The following ADCK1 variants were observed in gnomAD, a reference collection of about 807,000 sequenced individuals.
ADCK1 encodes the protein aarF domain containing kinase 1, also known as aarF domain-containing protein kinase 1.
A neutral mutation model predicts 52.3 loss-of-function variants in ADCK1; 41 were observed. That is an observed-to-expected ratio of 0.78 (90% CI 0.61 to 1.02). ADCK1 has a LOEUF of 1.02. Among genes scored for constraint, ADCK1 ranks in the 50% least tolerant of loss-of-function variants. The pLI is 0.00. For synonymous variants in ADCK1, 250 were observed against 274.6 expected (o/e 0.91, Z 0.89); for missense variants, 658 against 679.5 (o/e 0.97, Z 0.35).
At chr14:77,869,498 C>T (rs915296357) in intron 4 of ADCK1, among the ~76,000 whole-genome samples, 13 of 152,132 alleles carry the variant, frequency 8.5e-5, no homozygotes, top group Admixed American at 7.9e-4. Flanking sequence ...AGTATGACCT[C>T]ATCTTAACTA....
intron 3 of ADCK1, chr14:77,827,763 C>G (rs2081746510): frequency 8.1e-6 from 3 of 371,832 alleles, no homozygotes; most frequent in Non-Finnish European, 1.5e-5. Flanking sequence ...GACCTGGAGC[C>G]AGGTCCCCTG....
intron 3 of ADCK1, among the ~76,000 whole-genome samples, chr14:77,857,852 G>A (rs2082454141): frequency 6.6e-6 from 1 of 152,156 alleles, no homozygotes; most frequent in Admixed American, 6.5e-5. Flanking sequence ...ATGGGAGGAG[G>A]CAGGTACCAG....
Position 77,859,135 on chromosome 14 carries a change from C to T in ADCK1, c.279C>T (p.Phe93=). 6.2e-7 allele frequency: 1 copy of T among 1,613,554 alleles called. No individual in the cohort carries two copies. Among genetic ancestry groups the T allele is most frequent in the African/African-American group, 1.3e-5 (1 of 75,028 alleles). ...TCTGCTGTGCCAACCGGGGCACCTT[C>T]ATCAAGGTGGGCCAGCACCTGGGGG... The part of the protein sequence containing the change: ...CELCCANRGT[F]IKVGQHLGAL... The change falls in exon 4 of 11, where the codon TTC becomes TTT. Residue 93 remains phenylalanine, a synonymous_variant. Coordinates refer to ENST00000238561, the MANE Select transcript of ADCK1 (RefSeq NM_020421.4).
chr14:77,883,089 T>C lies in ADCK1; in HGVS notation c.424-4002T>C, dbSNP rs2083068002. ...AACTCTTTTTCTGATTATTTTTCCT[T>C]TTCCAGACAGGGACATCGATATATT... On this transcript the variant is annotated intron_variant, in intron 4 of 10. Transcript: ENST00000238561. Among the ~76,000 whole-genome samples, 4 of 152,166 alleles carry C rather than the reference T, an allele frequency of 2.6e-5. No homozygotes were observed. The South Asian group carries it at 8.3e-4, about 32-fold the overall frequency.
At chr14:77,932,611 C>G (rs1229753980) in intron 10 of ADCK1, among the ~76,000 whole-genome samples, 1 of 152,150 alleles carries the variant, frequency 6.6e-6, no homozygotes, top group Admixed American at 6.5e-5. Context: ...ACGTATATCA[C>G]GTACCCACTA....
At chr14:77,812,651 G>A (rs1436473488) in intron 1 of ADCK1, among the ~76,000 whole-genome samples, 8 of 151,952 alleles carry the variant, frequency 5.3e-5, no homozygotes, top group Non-Finnish European at 2.9e-5. Context: ...GTGCAGTAGC[G>A]TGATCTTAGC....
chr14:77,924,165 T>G (rs1595096230), intron 7 of ADCK1: 4 of 294,624 alleles, frequency 1.4e-5, no homozygotes, highest in South Asian at 6.0e-5. Context: ...GTGTGGGAGG[T>G]GGAGAGTGCA....
At chr14:77,826,105 C>T (rs1054217646) in intron 3 of ADCK1, among the ~76,000 whole-genome samples, 4 of 152,196 alleles carry the variant, frequency 2.6e-5, no homozygotes, top group Non-Finnish European at 5.9e-5. Context: ...AAGGAAAGTG[C>T]AGCCTGGCAT....
At position 77,933,356 on chromosome 14, in the gene ADCK1, G is replaced by T. The variant is rs138549494; in HGVS notation, c.1537G>T (p.Ala513Ser). 3 of 1,613,948 alleles carry T rather than the reference G, an allele frequency of 1.9e-6. No homozygotes were observed. The African/African-American group carries it at 4.0e-5, about 22-fold the overall frequency. Residue 513 changes from alanine to serine, a missense_variant, in exon 11 of 11, where the codon GCC becomes TCC. Transcript: ENST00000238561. Reference protein sequence around the residue: ...KGLKLADRVLALICWLFPAPL With the variant: ...KGLKLADRVLSLICWLFPAPL Reference sequence around the variant, plus strand: ...GTTGAAGCTGGCTGACCGGGTCTTGGCCCTAATATGCTGGCTGTTCCCTGC... The same window carrying T: ...GTTGAAGCTGGCTGACCGGGTCTTGTCCCTAATATGCTGGCTGTTCCCTGC...
intron 1 of ADCK1, among the ~76,000 whole-genome samples, chr14:77,803,600 C>G (rs2081158890): frequency 6.6e-6 from 1 of 152,158 alleles, no homozygotes; most frequent in African/African-American, 2.4e-5. Flanking sequence ...CCATTCTTGT[C>G]ATTGATTTGA....
chr14:77,921,346 A>G (rs2084053525), intron 7 of ADCK1, among the ~76,000 whole-genome samples: 2 of 149,058 alleles, frequency 1.3e-5, no homozygotes, highest in Admixed American at 6.6e-5. Context: ...AAAAAAAAAA[A>G]AAGAAAAAAA....
At chr14:77,872,208 C>T (rs1203371156) in intron 4 of ADCK1, among the ~76,000 whole-genome samples, 1 of 152,164 alleles carries the variant, frequency 6.6e-6, no homozygotes, top group Admixed American at 6.5e-5. Context: ...CCATCACTTC[C>T]AGACATAGAA....
chr14:77,810,104 A>G (rs930977848), intron 1 of ADCK1, among the ~76,000 whole-genome samples: 2 of 151,710 alleles, frequency 1.3e-5, no homozygotes, highest in Non-Finnish European at 2.9e-5. Context: ...ATTGCCTTAA[A>G]GTAGTATTCA....
chr14:77,854,700 G>T (rs939604680), intron 3 of ADCK1, among the ~76,000 whole-genome samples: 2 of 151,988 alleles, frequency 1.3e-5, no homozygotes, highest in Non-Finnish European at 2.9e-5. Context: ...GAGATTGCAG[G>T]TGCCCTCCTC....
intron 5 of ADCK1, among the ~76,000 whole-genome samples, chr14:77,898,645 C>T (rs140427357): frequency 5.9e-5 from 9 of 151,918 alleles, no homozygotes; most frequent in Admixed American, 1.3e-4. Context: ...TGTTGGGCGA[C>T]GGTTGGGGGG....
chr14:77,801,939 TAA>T (rs997088659), intron 1 of ADCK1, among the ~76,000 whole-genome samples: 1 of 147,000 alleles, frequency 6.8e-6, no homozygotes, highest in Non-Finnish European at 1.5e-5. Flanking sequence ...AGACTCCGTC[TAA>T]AAAAAAAAAA....
chr14:77,852,146 G>A (rs551663801), intron 3 of ADCK1, among the ~76,000 whole-genome samples: 2 of 151,872 alleles, frequency 1.3e-5, no homozygotes, highest in South Asian at 4.2e-4. Flanking sequence ...CTACAGGTGC[G>A]CGCCACCACG....
At chr14:77,897,205 T>C (rs1283853757) in intron 5 of ADCK1, among the ~76,000 whole-genome samples, 1 of 152,246 alleles carries the variant, frequency 6.6e-6, no homozygotes, top group Non-Finnish European at 1.5e-5. Context: ...ACTCGGACTG[T>C]CATTTATACT....
chr14:77,823,846 A>G (rs557597309), intron 3 of ADCK1, among the ~76,000 whole-genome samples: 1 of 152,270 alleles, frequency 6.6e-6, no homozygotes, highest in South Asian at 2.1e-4. Context: ...TGCTGGGATT[A>G]CAGGTGTGAG....
Sources: gnomAD v4.1 joint callset for allele counts (sites outside exome capture counted in the v4.1 genomes callset) on GRCh38, gnomAD v4.1.1 for gene constraint, MANE v1.5 for transcripts, NCBI Gene and HGNC (gene_info 2026-07-23, HGNC 2026-07-21) for gene names.